ZNF385D: variants seen among roughly 807,000 people sequenced by gnomAD.
ZNF385D encodes the protein zinc finger protein 385D.
A neutral mutation model predicts 35.8 loss-of-function variants in ZNF385D; 15 were observed. The observed-to-expected ratio is 0.42, with a 90% confidence interval of 0.28 to 0.64. ZNF385D has a LOEUF of 0.64. ZNF385D is among the 30% of genes least tolerant of loss of function. The pLI, the probability that ZNF385D is intolerant of heterozygous loss-of-function variation, is 0.23. For synonymous variants in ZNF385D, 212 were observed against 186.8 expected (o/e 1.13, Z -1.10); for missense variants, 474 against 494.6 (o/e 0.96, Z 0.39).
At chr3:22,126,570 A>T (rs1358067883) in intron 3 of ZNF385D, among the ~76,000 whole-genome samples, 1 of 152,050 alleles carries the variant, frequency 6.6e-6, no homozygotes, top group East Asian at 1.9e-4. Context: ...AATTTTTCTG[A>T]ACGTTTTAAG....
At chr3:22,357,306 G>A (rs138330758) in intron 2 of ZNF385D, among the ~76,000 whole-genome samples, 265 of 151,962 alleles carry the variant, frequency 1.7e-3, no homozygotes, top group African/African-American at 5.7e-3. Context: ...AGCTGTGGTT[G>A]GTGGTGGACA....
At chr3:22,366,406 A>G (rs1696658500) in intron 2 of ZNF385D, among the ~76,000 whole-genome samples, 1 of 152,178 alleles carries the variant, frequency 6.6e-6, no homozygotes, top group Admixed American at 6.5e-5. Flanking sequence ...TCACTCATAC[A>G]ATATTTATTG....
At chr3:21,466,183 A>ATAAT (rs1187935080) in intron 4 of ZNF385D, among the ~76,000 whole-genome samples, 1 of 152,082 alleles carries the variant, frequency 6.6e-6, no homozygotes, top group Non-Finnish European at 1.5e-5. Context: ...TCTTTACCTT[A>ATAAT]TAATATGTTC....
At chr3:21,964,348 C>T (rs1702760613) in intron 3 of ZNF385D, among the ~76,000 whole-genome samples, 2 of 140,784 alleles carry the variant, frequency 1.4e-5, no homozygotes, top group Non-Finnish European at 1.5e-5. Flanking sequence ...AATCCCTGAG[C>T]TCTTCCATAG....
intron 3 of ZNF385D, among the ~76,000 whole-genome samples, chr3:21,970,222 TA>T (rs1199239277): frequency 6.6e-6 from 1 of 152,106 alleles, no homozygotes; most frequent in Admixed American, 6.5e-5. Flanking sequence ...CCAAATGAAC[TA>T]AATAGGCATG....
In ZNF385D at chr3:21,664,934, A is replaced by C; in HGVS notation, c.117T>G (p.Phe39Leu). 6.2e-7 allele frequency: 1 copy of C among 1,613,752 alleles called. No individual in the cohort carries two copies. Among genetic ancestry groups the C allele is most frequent in the Non-Finnish European group, 8.5e-7 (1 of 1,179,758 alleles). ...PSLDIKPFLP[F>L]PLDTAAAVNL... ...TGACTGCAGCTGCAGTGTCAAGAGG[A>C]AAGGGAAGAAATGGTTTAATATCCA... The change falls in exon 2 of 8, where the codon TTT becomes TTG. Residue 39 changes from phenylalanine to leucine, a missense_variant. Physicochemically the swap from Phe to Leu is conservative, Grantham distance 22 (BLOSUM62 0). Coordinates refer to ENST00000281523, the MANE Select transcript of ZNF385D (RefSeq NM_024697.3).
At chr3:22,109,997 C>G (rs1702426600) in intron 3 of ZNF385D, among the ~76,000 whole-genome samples, 1 of 152,118 alleles carries the variant, frequency 6.6e-6, no homozygotes, top group African/African-American at 2.4e-5. Context: ...AGACACCTCT[C>G]AAAAGAAGAC....
At chr3:22,310,732 T>C (rs1042793895) in intron 2 of ZNF385D, among the ~76,000 whole-genome samples, 2 of 151,896 alleles carry the variant, frequency 1.3e-5, no homozygotes, top group African/African-American at 4.8e-5. Context: ...GAAGTGAAAA[T>C]TATATACGCT....
intron 3 of ZNF385D, among the ~76,000 whole-genome samples, chr3:21,855,214 G>C (rs1024088953): frequency 6.6e-6 from 1 of 151,934 alleles, no homozygotes; most frequent in Non-Finnish European, 1.5e-5. Context: ...TCTAGTCCTT[G>C]CATACTGTCT....
intron 2 of ZNF385D, among the ~76,000 whole-genome samples, chr3:21,618,599 A>G (rs1367568492): frequency 6.6e-6 from 1 of 152,228 alleles, no homozygotes; most frequent in Admixed American, 6.5e-5. Flanking sequence ...GTCATTACAC[A>G]GTAAATGAGT....
At chr3:22,238,451 T>G (rs1699311119) in intron 2 of ZNF385D, among the ~76,000 whole-genome samples, 1 of 151,012 alleles carries the variant, frequency 6.6e-6, no homozygotes, top group Non-Finnish European at 1.5e-5. Context: ...AAATATGAAA[T>G]GCCGTTCCAC....
intron 3 of ZNF385D, among the ~76,000 whole-genome samples, chr3:21,840,996 G>A (rs1462345636): frequency 1.3e-5 from 2 of 151,940 alleles, no homozygotes; most frequent in Non-Finnish European, 2.9e-5. Context: ...TAGCTTCCCT[G>A]ACAAACTGAG....
At position 21,413,117 on chromosome 3, in the gene ZNF385D, CAT is replaced by C. The variant is rs1416268763; in HGVS notation, c.*8095_*8096del. 2 of 151,798 alleles carry C rather than the reference CAT, an allele frequency of 1.3e-5. No homozygotes were observed. Among genetic ancestry groups the C allele is most frequent in the African/African-American group, 4.8e-5 (2 of 41,306 alleles). The allele number at this position is 151,798 out of a possible 1,614,324, so 9.4% of individuals were successfully genotyped here. A position where few individuals can be genotyped will look rare whatever the true frequency, so the allele number is the denominator to read the frequency against. On this transcript the variant is annotated 3_prime_UTR_variant, in exon 8 of 8. Coordinates refer to ENST00000281523, the MANE Select transcript of ZNF385D (RefSeq NM_024697.3). ...TTAATGAAAACAAATATAACAATAA[CAT>C]ATAGAATCATCATTCAACTATCATA...
At chr3:22,050,742 T>C (rs1200249904) in intron 3 of ZNF385D, among the ~76,000 whole-genome samples, 4 of 152,238 alleles carry the variant, frequency 2.6e-5, no homozygotes, top group South Asian at 2.1e-4. Flanking sequence ...TATTAATTCA[T>C]TGTGTATTAT....
chr3:21,983,095 T>C (rs1694586063), intron 3 of ZNF385D, among the ~76,000 whole-genome samples: 4 of 151,664 alleles, frequency 2.6e-5, no homozygotes, highest in South Asian at 4.2e-4. Context: ...CAAGATGTTG[T>C]TGGCCTCATA....
chr3:22,305,176 A>G (rs763034838), intron 2 of ZNF385D, among the ~76,000 whole-genome samples: 2 of 151,958 alleles, frequency 1.3e-5, no homozygotes, highest in Non-Finnish European at 2.9e-5. Context: ...ATTAGATTTT[A>G]TTGAGAACAA....
intron 3 of ZNF385D, among the ~76,000 whole-genome samples, chr3:22,167,894 A>G (rs1376249889): frequency 1.3e-5 from 2 of 152,232 alleles, no homozygotes; most frequent in African/African-American, 4.8e-5. Flanking sequence ...CAGTTCATTC[A>G]TACTAAAATC....
rs7618707 is a variant in ZNF385D at position 22,141,804 on chromosome 3, A to C, written c.325+27013T>G. Among the ~76,000 whole-genome samples the C allele has an allele frequency of 3.2e-3, 488 of 152,342 alleles. 3 individuals are homozygous for C. The highest frequency in any genetic ancestry group is 0.011 in the African/African-American group (467 of 41,586). On this transcript the variant is annotated intron_variant, in intron 3 of 5. Coordinates refer to the ZNF385D transcript ENST00000494108. ...AAGTCGTTATTCAGTTTTCAATTTT[A>C]TAACTGAGGAAGCTAAGGCCTAGAA...
intron 3 of ZNF385D, among the ~76,000 whole-genome samples, chr3:22,046,507 G>C (rs1479139353): frequency 6.6e-6 from 1 of 152,076 alleles, no homozygotes; most frequent in Non-Finnish European, 1.5e-5. Flanking sequence ...TCCCATGTGT[G>C]CTAAGTGGAA....
Sources: allele counts gnomAD v4.1 joint callset (sites outside exome capture counted in the v4.1 genomes callset), GRCh38; gene constraint gnomAD v4.1.1; transcripts MANE v1.5; gene names NCBI Gene and HGNC (gene_info 2026-07-23, HGNC 2026-07-21).